The following SEL1L variants were observed in gnomAD, a reference collection of about 807,000 sequenced individuals.
The protein encoded by SEL1L is protein sel-1 homolog 1.
Under a neutral mutation model 109.8 loss-of-function variants are expected in SEL1L, and 52 were observed. The observed-to-expected ratio is 0.47, with a 90% CI of 0.38 to 0.60. SEL1L has a LOEUF of 0.60. Among genes scored for constraint, SEL1L ranks in the 20% least tolerant of loss-of-function variants. The probability of loss-of-function intolerance (pLI) is 0.00; values close to 1 mark genes in which losing one functional copy is unlikely to be tolerated. For missense variants in SEL1L, 749 were observed against 962.2 expected (o/e 0.78, Z 2.93); for synonymous variants, 373 against 339.6 (o/e 1.10, Z -1.08).
chr14:81,504,345 A>G (rs745620427), intron 4 of SEL1L, 39 bp from the exon 5 acceptor site: 2 of 1,378,902 alleles, frequency 1.5e-6, no homozygotes, highest in South Asian at 1.4e-5. Flanking sequence ...ATGGATTTTA[A>G]TTCTATCAAT....
chr14:81,519,721 GT>G (rs1884836382), intron 3 of SEL1L, among the ~76,000 whole-genome samples: 1 of 151,604 alleles, frequency 6.6e-6, no homozygotes, highest in South Asian at 2.1e-4. Flanking sequence ...AAACACTTTG[GT>G]TCAGGAACCA....
chr14:81,506,066 ATACT>A lies in SEL1L; in HGVS notation c.508+4_508+7del. The A allele has an allele frequency of 6.2e-7, 1 of 1,613,262 alleles. No individual in the cohort carries two copies. The highest frequency in any genetic ancestry group is 8.5e-7 in the Non-Finnish European group (1 of 1,179,486). ...ATGCAGATCTGCCTCCTACTGAGCA[ATACT>A]TACTTTCACAAAAGCCCCACTTTTC... is the stretch of plus-strand genomic sequence containing the variant. On this transcript the variant is annotated splice_donor_5th_base_variant and intron_variant, in intron 4 of 20. Transcript: ENST00000336735.
chr14:81,476,849 T>C lies in SEL1L; in HGVS notation c.*123A>G. ...ATTCTAAGCAGCTTTAGGAATTCAATGCTTCCTTGTGCCGTGCCTCTTCTG... is the reference window on the plus strand; with the variant it reads ...ATTCTAAGCAGCTTTAGGAATTCAACGCTTCCTTGTGCCGTGCCTCTTCTG... On this transcript the variant is annotated 3_prime_UTR_variant, in exon 21 of 21. Coordinates refer to ENST00000336735, the MANE Select transcript of SEL1L (RefSeq NM_005065.6). 3 of 889,396 alleles carry C rather than the reference T, an allele frequency of 3.4e-6. No individual in the cohort carries two copies. Among genetic ancestry groups the C allele is most frequent in the Non-Finnish European group, 5.0e-6 (3 of 595,478 alleles). The allele number at this position is 889,396 out of a possible 1,614,324, so 55.1% of individuals were successfully genotyped here. A position where few individuals can be genotyped will look rare whatever the true frequency, so the allele number is the denominator to read the frequency against.
Position 81,497,925 on chromosome 14 carries a change from CT to C in SEL1L, c.1094del (p.Gln365ArgfsTer3). ...GTACATCACCTTTTTCAGCTAGGAACTGGTAATATTGAATCAAATCTTCTTC... is the reference window on the plus strand; with the variant it reads ...GTACATCACCTTTTTCAGCTAGGAACGGTAATATTGAATCAAATCTTCTTC... ...MLEEDLIQYY[Q>X]FLAEKGDVQA... On this transcript the variant is annotated frameshift_variant, in exon 10 of 21. Transcript: ENST00000336735. LOFTEE classifies it high-confidence loss of function. 1 of 1,613,824 alleles carries C rather than the reference CT, an allele frequency of 6.2e-7. No homozygotes were observed. The highest frequency in any genetic ancestry group is 8.5e-7 in the Non-Finnish European group (1 of 1,179,906).
At chr14:81,513,727 C>T (rs1269691270) in intron 3 of SEL1L, among the ~76,000 whole-genome samples, 1 of 152,182 alleles carries the variant, frequency 6.6e-6, no homozygotes, top group Non-Finnish European at 1.5e-5. Context: ...ACACGGATGT[C>T]AGGCTTTCTG....
chr14:81,522,135 A>T (rs1884930829), intron 3 of SEL1L, among the ~76,000 whole-genome samples: 1 of 152,262 alleles, frequency 6.6e-6, no homozygotes, highest in Non-Finnish European at 1.5e-5. Context: ...ACTACAAAAT[A>T]GTTGAAAAGC....
chr14:81,499,746 T>TA, intron 6 of SEL1L, 84 bp from the exon 7 acceptor site: 1 of 1,027,796 alleles, frequency 9.7e-7, no homozygotes, highest in Non-Finnish European at 1.4e-6. Flanking sequence ...TTTTATATAC[T>TA]ATGAAAAAAT....
chr14:81,495,313 T>G (rs746086476), intron 10 of SEL1L, among the ~76,000 whole-genome samples, 176 bp from the exon 11 acceptor site: 17 of 152,196 alleles, frequency 1.1e-4, no homozygotes, highest in Non-Finnish European at 1.8e-4. Flanking sequence ...CTAAAAATTT[T>G]GAAAAGTAAA....
chr14:81,493,523 A>G (rs1883627724), intron 11 of SEL1L, among the ~76,000 whole-genome samples: 1 of 151,928 alleles, frequency 6.6e-6, no homozygotes, highest in Non-Finnish European at 1.5e-5. Flanking sequence ...TAAATAAATA[A>G]ATAAATAAAA....
intron 1 of SEL1L, among the ~76,000 whole-genome samples, chr14:81,531,442 G>T (rs10047898): frequency 0.024 from 3,700 of 152,218 alleles, 142 homozygotes; most frequent in African/African-American, 0.084. Context: ...CCAAAAACTT[G>T]ATTTTAATAC....
chr14:81,480,745 G>T (rs771828826), intron 19 of SEL1L, among the ~76,000 whole-genome samples: 1 of 152,238 alleles, frequency 6.6e-6, no homozygotes, highest in East Asian at 1.9e-4. Flanking sequence ...TTTACAAGAG[G>T]TACTTGCATG....
intron 1 of SEL1L, among the ~76,000 whole-genome samples, chr14:81,531,802 C>A (rs1885335355): frequency 1.3e-5 from 2 of 152,146 alleles, no homozygotes; most frequent in African/African-American, 4.8e-5. Context: ...TTCAGCCTCC[C>A]AAAGTGCTGG....
chr14:81,498,235 G>T, intron 9 of SEL1L, 178 bp downstream of exon 9: 1 of 821,346 alleles, frequency 1.2e-6, no homozygotes, highest in Non-Finnish European at 1.8e-6. Context: ...AACGTAAATA[G>T]AACCTAAAGC....
Position 81,471,572 on chromosome 14 carries a change from G to A in SEL1L, c.*5400C>T, listed in dbSNP as rs1487943133. ...TTGAGCAGCAACAAATTATTTATAT[G>A]AACATTCCAAATTCAGTTAACTAAC... is the stretch of plus-strand genomic sequence containing the variant. On this transcript the variant is annotated 3_prime_UTR_variant, in exon 21 of 21. Transcript: ENST00000336735. The A allele has an allele frequency of 6.6e-6, 1 of 152,138 alleles. No individual in the cohort carries two copies. Among genetic ancestry groups the A allele is most frequent in the Non-Finnish European group, 1.5e-5 (1 of 68,032 alleles). The allele number at this position is 152,138 out of a possible 1,614,324, so 9.4% of individuals were successfully genotyped here.
Position 81,481,175 on chromosome 14 carries a change from G to GT in SEL1L, c.2047-1436dup, listed in dbSNP as rs1903345748. Among the ~76,000 whole-genome samples, 3 of 152,152 alleles carry GT rather than the reference G, an allele frequency of 2.0e-5. No individual in the cohort carries two copies. The South Asian group carries it at 6.2e-4, about 31-fold the overall frequency. ...TCTTAATTTTGGCCCAGGCTGGAGT[G>GT]TTCTGAATTCAGATATGTAATAGAA... On this transcript the variant is annotated intron_variant, in intron 19 of 20. Coordinates refer to ENST00000336735, the MANE Select transcript of SEL1L (RefSeq NM_005065.6).
chr14:81,527,090 T>C, intron 2 of SEL1L, 126 bp from the exon 3 acceptor site: 2 of 703,574 alleles, frequency 2.8e-6, no homozygotes, highest in South Asian at 3.4e-5. Context: ...CACTCACTCA[T>C]CTCTATAGGC....
rs1430535070 is a variant in SEL1L, at chr14:81,498,053, TAG to T, written c.974-9_974-8del. The T allele has an allele frequency of 3.1e-6, 5 of 1,610,218 alleles. No individual in the cohort carries two copies. The African/African-American group carries it at 6.7e-5, about 22-fold the overall frequency. ...AGCGAGATATCACTAGCAACTGAAA[TAG>T]AGGGATAAAACAATAAGGTGGAGGA... is the stretch of plus-strand genomic sequence containing the variant. On this transcript the variant is annotated splice_region_variant and splice_polypyrimidine_tract_variant and intron_variant, in intron 9 of 20. Coordinates refer to ENST00000336735, the MANE Select transcript of SEL1L (RefSeq NM_005065.6).
intron 14 of SEL1L, among the ~76,000 whole-genome samples, chr14:81,488,251 A>C (rs184440448): frequency 2.6e-3 from 399 of 152,324 alleles, no homozygotes; most frequent in Non-Finnish European, 4.8e-3. Context: ...TCTGCTAACC[A>C]ATCAACCCTT....
In SEL1L at chr14:81,471,976, C is replaced by T. The variant is rs1397004149; in HGVS notation, c.*4996G>A. ...TTTTTATTTTTCGTAGTTTCTACTA[C>T]AGAAATTCTGATTTTTTTTACTTGC... On this transcript the variant is annotated 3_prime_UTR_variant, in exon 21 of 21. Transcript: ENST00000336735. 2.6e-5 allele frequency: 4 copies of T among 152,156 alleles called. No homozygotes were observed. Among genetic ancestry groups the T allele is most frequent in the African/African-American group, 7.2e-5 (3 of 41,418 alleles). The allele number at this position is 152,156 out of a possible 1,614,324, so 9.4% of individuals were successfully genotyped here.
Sources: gnomAD v4.1 joint callset for allele counts (sites outside exome capture counted in the v4.1 genomes callset) on GRCh38, gnomAD v4.1.1 for gene constraint, MANE v1.5 for transcripts, NCBI Gene and HGNC (gene_info 2026-07-23, HGNC 2026-07-21) for gene names.